CDK5RAP2: variants seen among roughly 807,000 people sequenced by gnomAD.
The protein encoded by CDK5RAP2 is CDK5 regulatory subunit associated protein 2.
A neutral mutation model predicts 232.9 loss-of-function variants in CDK5RAP2; 147 were observed. That is an observed-to-expected ratio of 0.63 (90% CI 0.55 to 0.72). The LOEUF is 0.72. CDK5RAP2 is among the 30% of genes least tolerant of loss of function. The pLI, the probability that CDK5RAP2 is intolerant of heterozygous loss-of-function variation, is 0.00. For synonymous variants in CDK5RAP2, 833 were observed against 833.7 expected (o/e 1.00, Z 0.01); for missense variants, 2,195 against 2,231.5 (o/e 0.98, Z 0.33).
rs528827336 is a variant in CDK5RAP2 at position 120,515,944 on chromosome 9, G to A, written c.1311+2483C>T. Among the ~76,000 whole-genome samples the A allele has an allele frequency of 3.5e-3, 535 of 152,310 alleles. 2 individuals carry two copies. Among genetic ancestry groups the A allele is most frequent in the African/African-American group, 0.012 (506 of 41,560 alleles). ...GACTGTAAACTAGTTCAACCATTGT[G>A]GCAGTCAGTGTGGCGATTCCTCAGG... is the stretch of plus-strand genomic sequence containing the variant. On this transcript the variant is annotated intron_variant, in intron 12 of 37. Coordinates refer to ENST00000349780, the MANE Select transcript of CDK5RAP2 (RefSeq NM_018249.6).
chr9:120,530,099 G>T lies in CDK5RAP2; in HGVS notation c.704C>A (p.Ala235Asp). The T allele has an allele frequency of 6.2e-7, 1 of 1,613,836 alleles. No individual in the cohort carries two copies. The highest frequency in any genetic ancestry group is 1.6e-4 in the Middle Eastern group (1 of 6,062). The change falls in exon 8 of 38, where the codon GCT becomes GAT. Residue 235 changes from alanine to aspartate, a missense_variant. By Grantham distance (126) the Ala-to-Asp change is moderately radical. Transcript: ENST00000349780. Reference protein sequence around the residue: ...ELKLSLKSKEALIQCLKEEKS... With the variant: ...ELKLSLKSKEDLIQCLKEEKS... The stretch of plus-strand genomic sequence containing the variant: ...CTCCTCTTTAAGGCACTGAATTAAA[G>T]CTTCTTTGCTCTTCAAAGACAGCTT...
intron 1 of CDK5RAP2, among the ~76,000 whole-genome samples, chr9:120,575,569 A>T (rs944933957): frequency 2.6e-5 from 4 of 152,164 alleles, no homozygotes; most frequent in Non-Finnish European, 4.4e-5. Context: ...ATGAGACCAG[A>T]TATCACATTC....
intron 12 of CDK5RAP2, among the ~76,000 whole-genome samples, chr9:120,499,753 A>C (rs1423466767): frequency 1.3e-5 from 2 of 152,198 alleles, no homozygotes; most frequent in East Asian, 1.9e-4. Flanking sequence ...CTAAAGCTAA[A>C]GAACAAAAAC....
intron 12 of CDK5RAP2, among the ~76,000 whole-genome samples, chr9:120,501,742 C>A (rs1472343449): frequency 6.6e-6 from 1 of 152,194 alleles, no homozygotes; most frequent in Admixed American, 6.5e-5. Context: ...CAGTCCACCC[C>A]ATCCACCAGC....
At chr9:120,399,656 C>T (rs10119527) in intron 35 of CDK5RAP2, among the ~76,000 whole-genome samples, 30,406 of 152,166 alleles carry the variant, frequency 0.2, 3,319 homozygotes, top group African/African-American at 0.27. Flanking sequence ...GGAACAGGAC[C>T]TGGTGGATTA....
chr9:120,500,132 G>A (rs1030609056), intron 12 of CDK5RAP2, among the ~76,000 whole-genome samples: 3 of 152,186 alleles, frequency 2.0e-5, no homozygotes, highest in Non-Finnish European at 2.9e-5. Context: ...GACAGGTGGC[G>A]AGGCAGTGCC....
At chr9:120,534,062 C>T (rs2041281100) in intron 7 of CDK5RAP2, among the ~76,000 whole-genome samples, 1 of 152,182 alleles carries the variant, frequency 6.6e-6, no homozygotes, top group African/African-American at 2.4e-5. Flanking sequence ...GGCAGAAAGA[C>T]CTTTCTAAAT....
chr9:120,398,394 T>C (rs868237270), intron 35 of CDK5RAP2, among the ~76,000 whole-genome samples: 2 of 152,206 alleles, frequency 1.3e-5, no homozygotes, highest in Non-Finnish European at 2.9e-5. Context: ...AATATAACCA[T>C]TAACAAGAGT....
At chr9:120,468,024 T>A (rs754940173) in intron 17 of CDK5RAP2, 27 bp from the exon 18 acceptor site, 4 of 1,613,100 alleles carry the variant, frequency 2.5e-6, no homozygotes, top group Non-Finnish European at 3.4e-6. Flanking sequence ...GGGAAAAGGC[T>A]GTCTACCCAG....
In CDK5RAP2 at chr9:120,539,180, C is replaced by G. The variant is rs757007314; in HGVS notation, c.384-16G>C. 1.9e-6 allele frequency: 3 copies of G among 1,613,612 alleles called. No individual in the cohort carries two copies. In the African/African-American group the frequency reaches 4.0e-5, roughly 22 times the overall value. On this transcript the variant is annotated splice_polypyrimidine_tract_variant and intron_variant, in intron 5 of 37. Coordinates refer to ENST00000349780, the MANE Select transcript of CDK5RAP2 (RefSeq NM_018249.6). Reference sequence around the variant, plus strand: ...AACTGCTTTGCTGCAAAAAGAGGCACAGGGGTAAAACATGCAAGGGTGATG... The same window carrying G: ...AACTGCTTTGCTGCAAAAAGAGGCAGAGGGGTAAAACATGCAAGGGTGATG...
At chr9:120,402,311 C>CACA (rs1010519083) in intron 34 of CDK5RAP2, among the ~76,000 whole-genome samples, 1 of 152,054 alleles carries the variant, frequency 6.6e-6, no homozygotes, top group South Asian at 2.1e-4. Context: ...ATAAAAAAAA[C>CACA]ACAACAACAA....
rs547386836 is a variant in CDK5RAP2 at position 120,534,551 on chromosome 9, A to T, written c.662+1821T>A. Reference sequence around the variant, plus strand: ...CTGTATCACTCCTTCTTACATTCTCATCACCACTGTGCTGAGTAGAAGATG... The same window carrying T: ...CTGTATCACTCCTTCTTACATTCTCTTCACCACTGTGCTGAGTAGAAGATG... On this transcript the variant is annotated intron_variant, in intron 7 of 37. Coordinates refer to ENST00000349780, the MANE Select transcript of CDK5RAP2 (RefSeq NM_018249.6). Among the ~76,000 whole-genome samples, 9 of 152,208 alleles carry T rather than the reference A, an allele frequency of 5.9e-5. No individual in the cohort carries two copies. In the East Asian group the frequency reaches 1.7e-3, roughly 29 times the overall value.
intron 3 of CDK5RAP2, among the ~76,000 whole-genome samples, chr9:120,556,351 C>A (rs1460529630): frequency 6.6e-6 from 1 of 151,964 alleles, no homozygotes; most frequent in Non-Finnish European, 1.5e-5. Context: ...TACATCTTCA[C>A]ACATAAACAC....
intron 12 of CDK5RAP2, among the ~76,000 whole-genome samples, chr9:120,512,200 T>C (rs772361953): frequency 6.6e-6 from 1 of 152,158 alleles, no homozygotes; most frequent in Admixed American, 6.5e-5. Context: ...ATTTAACAAA[T>C]TAGCCAGGTG....
At chr9:120,477,539 G>C in intron 14 of CDK5RAP2, 89 bp from the exon 15 acceptor site, 2 of 1,050,698 alleles carry the variant, frequency 1.9e-6, no homozygotes, top group Non-Finnish European at 2.9e-6. Flanking sequence ...GCTAGTCCCA[G>C]TTTTTAAAAT....
intron 17 of CDK5RAP2, among the ~76,000 whole-genome samples, chr9:120,468,704 G>A (rs904854535): frequency 1.3e-5 from 2 of 152,198 alleles, no homozygotes; most frequent in African/African-American, 4.8e-5. Flanking sequence ...AATGGCCGAA[G>A]TGCCTAACCA....
intron 1 of CDK5RAP2, among the ~76,000 whole-genome samples, chr9:120,578,411 T>C (rs1348171173): frequency 1.3e-5 from 2 of 152,104 alleles, no homozygotes; most frequent in Non-Finnish European, 2.9e-5. Context: ...TGATGAAATA[T>C]CACAGGACCC....
intron 35 of CDK5RAP2, among the ~76,000 whole-genome samples, chr9:120,398,576 T>G (rs1174357898): frequency 6.6e-6 from 1 of 152,218 alleles, no homozygotes. Context: ...TCATTTTGAT[T>G]TTTTATAATC....
intron 11 of CDK5RAP2, among the ~76,000 whole-genome samples, chr9:120,524,678 C>A (rs915534009): frequency 2.6e-5 from 4 of 151,942 alleles, no homozygotes; most frequent in African/African-American, 4.8e-5. Context: ...GGGATGATGA[C>A]TACCTTTCCC....
Sources: allele counts gnomAD v4.1 joint callset (sites outside exome capture counted in the v4.1 genomes callset), GRCh38; gene constraint gnomAD v4.1.1; transcripts MANE v1.5; gene names NCBI Gene and HGNC (gene_info 2026-07-23, HGNC 2026-07-21).